The following SPATA17 variants were observed in gnomAD, a reference collection of about 807,000 sequenced individuals.
The protein encoded by SPATA17 is spermatogenesis associated 17, also known as spermatogenesis-associated protein 17.
SPATA17 carries 53 observed loss-of-function variants against 62.2 expected under a neutral mutation model. The observed-to-expected ratio is 0.85, with a 90% confidence interval of 0.68 to 1.07. The LOEUF is 1.07. Among genes scored for constraint, SPATA17 ranks in the 50% least tolerant of loss-of-function variants. The pLI, the probability that SPATA17 is intolerant of heterozygous loss-of-function variation, is 0.00. For synonymous variants in SPATA17, 146 were observed against 146.8 expected, an observed-to-expected ratio of 0.99 and a Z score of 0.04; for missense variants, 466 against 425.5, an observed-to-expected ratio of 1.10 and a Z score of -0.84.
intron 1 of SPATA17, among the ~76,000 whole-genome samples, chr1:217,648,193 C>T (rs1452615418): frequency 6.6e-6 from 1 of 152,160 alleles, no homozygotes; most frequent in Non-Finnish European, 1.5e-5. Flanking sequence ...CGTTCATTAT[C>T]AGGTAATGCA....
chr1:217,673,063 A>G (rs981054925), intron 4 of SPATA17, among the ~76,000 whole-genome samples: 4 of 152,134 alleles, frequency 2.6e-5, no homozygotes, highest in Non-Finnish European at 5.9e-5. Flanking sequence ...CTAAGTTTCA[A>G]AGTGTGTTTG....
Position 217,645,967 on chromosome 1 carries a change from CT to C in SPATA17, c.69-2907del, listed in dbSNP as rs547669094. Among the ~76,000 whole-genome samples the C allele has an allele frequency of 1.5e-3, 231 of 151,958 alleles. 2 individuals are homozygous for C. The highest frequency in any genetic ancestry group is 5.3e-3 in the African/African-American group (221 of 41,476). ...CTATACTTGTATCTTATGATTGGACCTTTTTTTTAAATAATTGTTGTTATTT... is the reference window on the plus strand; with the variant it reads ...CTATACTTGTATCTTATGATTGGACCTTTTTTTAAATAATTGTTGTTATTT... On this transcript the variant is annotated intron_variant, in intron 1 of 10. Transcript: ENST00000366933.
chr1:217,647,880 G>A (rs908798698), intron 1 of SPATA17, among the ~76,000 whole-genome samples: 1 of 151,872 alleles, frequency 6.6e-6, no homozygotes, highest in African/African-American at 2.4e-5. Context: ...CCGCCACCAC[G>A]CTTGGCTAAT....
intron 1 of SPATA17, among the ~76,000 whole-genome samples, chr1:217,633,854 ATTC>A (rs1354497440): frequency 6.6e-6 from 1 of 152,230 alleles, no homozygotes; most frequent in Admixed American, 6.5e-5. Context: ...GAGAAAATAC[ATTC>A]CTAAGTGTTT....
chr1:217,829,627 CAAAAAAAAAAA>C lies in SPATA17; in HGVS notation c.1005+27794_1005+27804del, dbSNP rs397982930. ...TGGGTGACAGAGCGAGACTCCATCT[CAAAAAAAAAAA>C]AAAAAAAAAAAAAAAATACTGCATT... is the stretch of plus-strand genomic sequence containing the variant. On this transcript the variant is annotated intron_variant, in intron 9 of 10. Transcript: ENST00000366933. 2.4e-4 allele frequency among the ~76,000 whole-genome samples: 11 copies of C among 46,756 alleles called. No individual in the cohort carries two copies. In the East Asian group the frequency reaches 6.4e-3, roughly 27 times the overall value. The allele number at this position is 46,756 out of a possible 152,430, so 30.7% of individuals were successfully genotyped here.
At chr1:217,643,605 C>T (rs905622097) in intron 1 of SPATA17, among the ~76,000 whole-genome samples, 1 of 152,060 alleles carries the variant, frequency 6.6e-6, no homozygotes, top group African/African-American at 2.4e-5. Flanking sequence ...CTTTGTAGCA[C>T]AGTGCCCTAC....
In SPATA17 at chr1:217,870,204, C is replaced by G. The variant is rs541884574; in HGVS notation, c.*3185C>G. 47 of 152,234 alleles carry G rather than the reference C, an allele frequency of 3.1e-4. No homozygotes were observed. The highest frequency in any genetic ancestry group is 1.1e-3 in the African/African-American group (47 of 41,544). 9.4% of individuals were successfully genotyped at this position (152,234 alleles called of 1,614,324 possible). On this transcript the variant is annotated 3_prime_UTR_variant, in exon 11 of 11. Transcript: ENST00000366933. ...ATGGCCTTCATTGATTTTGTAGACC[C>G]TGACCTTCTCTGTTCTTCCAGAGAA...
At chr1:217,635,379 A>G (rs185726491) in intron 1 of SPATA17, among the ~76,000 whole-genome samples, 7 of 152,242 alleles carry the variant, frequency 4.6e-5, no homozygotes, top group Non-Finnish European at 7.4e-5. Flanking sequence ...TAGTTCCACA[A>G]GGTGGGGGCC....
chr1:217,770,978 A>ATTTTTTTTTTTTTTTTTTTTTTTTTTTTT lies in SPATA17; in HGVS notation c.520-3354_520-3326dup, dbSNP rs374042087. On this transcript the variant is annotated intron_variant, in intron 6 of 10. Transcript: ENST00000366933. ...ATGTATCTATTATATAACTCATTGC[A>ATTTTTTTTTTTTTTTTTTTTTTTTTTTTT]TTTTTTTTTTTTTTTTTTTTTTTTT... 1.2e-3 allele frequency among the ~76,000 whole-genome samples: 58 copies of ATTTTTTTTTTTTTTTTTTTTTTTTTTTTT among 50,162 alleles called. 6 individuals carry two copies. The highest frequency in any genetic ancestry group is 0.02 in the Middle Eastern group (1 of 50). The allele number at this position is 50,162 out of a possible 152,430, so 32.9% of individuals were successfully genotyped here.
chr1:217,845,254 A>G (rs1260114738), intron 9 of SPATA17, among the ~76,000 whole-genome samples: 1 of 152,064 alleles, frequency 6.6e-6, no homozygotes, highest in African/African-American at 2.4e-5. Flanking sequence ...ATAGGCCTAT[A>G]TAATTTTTTC....
intron 9 of SPATA17, among the ~76,000 whole-genome samples, chr1:217,809,962 T>C (rs1485619039): frequency 6.6e-6 from 1 of 152,190 alleles, no homozygotes; most frequent in Non-Finnish European, 1.5e-5. Context: ...GACATAAACA[T>C]TTGTTGTTTT....
intron 8 of SPATA17, among the ~76,000 whole-genome samples, chr1:217,800,948 G>C (rs1219552975): frequency 6.6e-6 from 1 of 151,978 alleles, no homozygotes; most frequent in African/African-American, 2.4e-5. Flanking sequence ...AGTTTATATG[G>C]GTTTTAAAAG....
intron 6 of SPATA17, among the ~76,000 whole-genome samples, chr1:217,754,889 A>C (rs908998993): frequency 6.6e-6 from 1 of 152,074 alleles, no homozygotes. Flanking sequence ...TATACTCCCA[A>C]ATGTTTTCCT....
In SPATA17 at chr1:217,708,650, CA is replaced by C. The variant is rs1309912813; in HGVS notation, c.395+25294del. Among the ~76,000 whole-genome samples the C allele has an allele frequency of 2.0e-5, 3 of 151,932 alleles. No homozygotes were observed. In the East Asian group the frequency reaches 5.8e-4, roughly 29 times the overall value. ...TAAAGAAGAGCTGGTACCATTCCTA[CA>C]AAAACTATTCCCAAACTATCTCATT... On this transcript the variant is annotated intron_variant, in intron 5 of 10. Coordinates refer to ENST00000366933, the MANE Select transcript of SPATA17 (RefSeq NM_138796.4).
At chr1:217,811,148 C>T (rs1335191879) in intron 9 of SPATA17, among the ~76,000 whole-genome samples, 1 of 152,106 alleles carries the variant, frequency 6.6e-6, no homozygotes, top group African/African-American at 2.4e-5. Context: ...ATTCTCATAC[C>T]TCAGCCTCCC....
At chr1:217,724,477 A>G (rs1216506329) in intron 5 of SPATA17, among the ~76,000 whole-genome samples, 1 of 152,072 alleles carries the variant, frequency 6.6e-6, no homozygotes, top group Non-Finnish European at 1.5e-5. Context: ...AGTCCCAGCT[A>G]CTCAGGAGGC....
At chr1:217,660,797 G>A (rs932696659) in intron 3 of SPATA17, among the ~76,000 whole-genome samples, 7 of 152,146 alleles carry the variant, frequency 4.6e-5, no homozygotes, top group African/African-American at 7.2e-5. Flanking sequence ...ATAAACTTTT[G>A]TTGTTTTGCA....
At position 217,867,219 on chromosome 1, in the gene SPATA17, A is replaced by C. The variant is rs531067206; in HGVS notation, c.*200A>C. On this transcript the variant is annotated 3_prime_UTR_variant, in exon 11 of 11. Coordinates refer to ENST00000366933, the MANE Select transcript of SPATA17 (RefSeq NM_138796.4). ...ACATATCTTTTCAAACAAATACTTA[A>C]ACTTGAGTCTGTTACCTCTGAGAAT... The C allele has an allele frequency of 2.0e-5, 3 of 152,300 alleles. No homozygotes were observed. The South Asian group carries it at 6.2e-4, about 32-fold the overall frequency. The allele number at this position is 152,300 out of a possible 1,614,324, so 9.4% of individuals were successfully genotyped here.
chr1:217,841,740 A>G (rs1171759954), intron 9 of SPATA17, among the ~76,000 whole-genome samples: 2 of 151,508 alleles, frequency 1.3e-5, no homozygotes, highest in Non-Finnish European at 2.9e-5. Context: ...GTTATGAATA[A>G]TACACATGTC....
Sources: allele counts gnomAD v4.1 joint callset (sites outside exome capture counted in the v4.1 genomes callset), GRCh38; gene constraint gnomAD v4.1.1; transcripts MANE v1.5; gene names NCBI Gene and HGNC (gene_info 2026-07-23, HGNC 2026-07-21).